AGRN: variants seen among roughly 807,000 people sequenced by gnomAD.
AGRN encodes the protein agrin.
Under a neutral mutation model 211.0 loss-of-function variants are expected in AGRN, and 106 were observed. The ratio of observed to expected loss-of-function variants is 0.50; its 90% CI spans 0.43 to 0.59. The LOEUF (loss-of-function observed/expected upper bound fraction) is 0.59. Among genes scored for constraint, AGRN ranks in the 20% least tolerant of loss-of-function variants. The pLI is 0.00. For missense variants in AGRN, 3,040 were observed against 2,982.6 expected, an observed-to-expected ratio of 1.02 and a Z score of -0.45; for synonymous variants, 1,525 against 1,332.5, an observed-to-expected ratio of 1.14 and a Z score of -3.15.
intron 30 of AGRN, 142 bp downstream of exon 30, chr1:1,050,979 C>CCTCCCTG: frequency 1.5e-5 from 23 of 1,550,908 alleles, no homozygotes; most frequent in Non-Finnish European, 2.0e-5. Context: ...GCCTCCTCTG[C>CCTCCCTG]CTCCCTGCTC....
At position 1,020,347 on chromosome 1, in the gene AGRN, C is replaced by T. The variant is rs919426317; in HGVS notation, c.175C>T (p.Pro59Ser). 3.3e-6 allele frequency: 5 copies of T among 1,495,022 alleles called. No individual in the cohort carries two copies. The African/African-American group carries it at 4.4e-5, about 13-fold the overall frequency. 92.6% of individuals were successfully genotyped at this position (1,495,022 alleles called of 1,614,324 possible). A position where few individuals can be genotyped will look rare whatever the true frequency, so the allele number is the denominator to read the frequency against. ...GTVEEILNVD[P>S]VQHTYSCKVR... The stretch of plus-strand genomic sequence containing the variant: ...GGTGGAGGAGATCCTCAACGTGGAC[C>T]CGGTGCAGCACACGTACTCCTGCAA... The change falls in exon 1 of 36, where the codon CCG becomes TCG. Residue 59 changes from proline (P) to serine (S), a missense_variant. Physicochemically the swap from Pro to Ser is moderately conservative, Grantham distance 74 (BLOSUM62 -1). Around this residue, in one of 3 missense-constraint regions of AGRN, gnomAD observed 1,498 missense variants for 1,457.8 expected, o/e 1.03. Coordinates refer to ENST00000379370, the MANE Select transcript of AGRN (RefSeq NM_198576.4).
At chr1:1,050,655 G>A in intron 29 of AGRN, 64 bp downstream of exon 29, 2 of 1,603,768 alleles carry the variant, frequency 1.2e-6, no homozygotes, top group Non-Finnish European at 1.7e-6. Context: ...GCACCAGCAG[G>A]TCGCTCAGGC....
chr1:1,037,184 C>T (rs1249949521), intron 3 of AGRN, among the ~76,000 whole-genome samples: 1 of 152,180 alleles, frequency 6.6e-6, no homozygotes, highest in Non-Finnish European at 1.5e-5. Context: ...AGGGCAAGAA[C>T]TGCGTTTCCA....
At position 1,041,256 on chromosome 1, in the gene AGRN, C is replaced by A; in HGVS notation, c.811C>A (p.Leu271Met). 6.7e-7 allele frequency: 1 copy of A among 1,501,826 alleles called. No homozygotes were observed. Among genetic ancestry groups the A allele is most frequent in the South Asian group, 1.2e-5 (1 of 81,196 alleles). 93.0% of individuals were successfully genotyped at this position (1,501,826 alleles called of 1,614,324 possible). A position where few individuals can be genotyped will look rare whatever the true frequency, so the allele number is the denominator to read the frequency against. The part of the protein sequence containing the change: ...RSADGLTASC[L>M]CPATCRGAPE... ...GGCCGACGGGCTGACGGCCTCGTGC[C>A]TGTGCCCCGCGACCTGCCGTGGCGC... is the stretch of plus-strand genomic sequence containing the variant. Residue 271 changes from leucine to methionine, a missense_variant, in exon 5 of 36, where the codon CTG (leucine) becomes ATG (methionine). Around this residue, in one of 3 missense-constraint regions of AGRN, gnomAD observed 1,498 missense variants for 1,457.8 expected, o/e 1.03. Transcript: ENST00000379370.
At chr1:1,023,979 G>A (rs1434027169) in intron 2 of AGRN, among the ~76,000 whole-genome samples, 1 of 152,188 alleles carries the variant, frequency 6.6e-6, no homozygotes, top group Non-Finnish European at 1.5e-5. Flanking sequence ...GGGAGGGGCT[G>A]TGGCCACCGG....
chr1:1,050,987 C>T (rs1405636755), intron 30 of AGRN, 150 bp downstream of exon 30: 5 of 1,550,502 alleles, frequency 3.2e-6, no homozygotes, highest in Non-Finnish European at 4.4e-6. Context: ...TGCCTCCCTG[C>T]TCTCTGCTCT....
Position 1,046,177 on chromosome 1 carries a change from A to T in AGRN, c.2823A>T (p.Gly941=). ...TGCCCCAGGTCTGTGGGTCAGATGG[A>T]GTCACATACGGCAACGAGTGTCAGC... ...ANATKVCGSD[G]VTYGNECQLK... Residue 941 remains glycine, a synonymous_variant, in exon 17 of 36, where the codon GGA becomes GGT. Transcript: ENST00000379370. 1 of 1,613,778 alleles carries T rather than the reference A, an allele frequency of 6.2e-7. No individual in the cohort carries two copies. The highest frequency in any genetic ancestry group is 8.5e-7 in the Non-Finnish European group (1 of 1,179,964).
At chr1:1,030,220 AGCGCGTGTGTGTGT>A (rs1644631778) in intron 2 of AGRN, among the ~76,000 whole-genome samples, 3 of 17,086 alleles carry the variant, frequency 1.8e-4, no homozygotes, top group South Asian at 3.3e-3. Flanking sequence ...CTGTGAGATC[AGCGCGTGTGTGTGT>A]GCAGTGCATG....
chr1:1,044,187 T>C lies in AGRN; in HGVS notation c.2078T>C (p.Ile693Thr). ...GAGCTGTGCCGGCAGCGCGGTGGCATCTGGGACGAGGACTCGGAGGACGGG... is the reference window on the plus strand; with the variant it reads ...GAGCTGTGCCGGCAGCGCGGTGGCACCTGGGACGAGGACTCGGAGGACGGG... ...EQELCRQRGG[I>T]WDEDSEDGPC... The change falls in exon 11 of 36, where the codon ATC becomes ACC. Residue 693 changes from isoleucine (I) to threonine (T), a missense_variant. Physicochemically the swap from Ile to Thr is moderately conservative, Grantham distance 89. Around this residue, in one of 3 missense-constraint regions of AGRN, gnomAD observed 1,498 missense variants for 1,457.8 expected, o/e 1.03. Transcript: ENST00000379370. 6.2e-7 allele frequency: 1 copy of C among 1,613,126 alleles called. No individual in the cohort carries two copies. The highest frequency in any genetic ancestry group is 8.5e-7 in the Non-Finnish European group (1 of 1,179,886).
Position 1,045,522 on chromosome 1 carries a change from A to G in AGRN, c.2535A>G (p.Thr845=), listed in dbSNP as rs779678218. The change falls in exon 14 of 36, where the codon ACA becomes ACG. Residue 845 remains threonine (T), a splice_region_variant and synonymous_variant. Transcript: ENST00000379370. ...GIVTDGRSGC[T]PCSCDPQGAV... Reference sequence around the variant, plus strand: ...TCACCGATGGCCGGAGTGGCTGTACACGTGAGTGACAGGGCCCAGGACTGG... The same window carrying G: ...TCACCGATGGCCGGAGTGGCTGTACGCGTGAGTGACAGGGCCCAGGACTGG... 1.2e-5 allele frequency: 19 copies of G among 1,612,646 alleles called. No individual in the cohort carries two copies. Among genetic ancestry groups the G allele is most frequent in the Non-Finnish European group, 1.6e-5 (19 of 1,179,866 alleles).
At chr1:1,054,623 C>G (rs1315371411) in intron 35 of AGRN, 72 bp downstream of exon 35, 13 of 1,524,952 alleles carry the variant, frequency 8.5e-6, no homozygotes, top group Non-Finnish European at 1.2e-5. Context: ...ACTCCACCCC[C>G]CAGCGCCCAC....
In AGRN at chr1:1,043,581, G is replaced by C. The variant is rs1645006623; in HGVS notation, c.1647G>C (p.Glu549Asp). Residue 549 changes from glutamate (E) to aspartate (D), a missense_variant, in exon 9 of 36, where the codon GAG becomes GAC. By Grantham distance (45) the Glu-to-Asp change is conservative (BLOSUM62 2). Coordinates refer to ENST00000379370, the MANE Select transcript of AGRN (RefSeq NM_198576.4). Reference sequence around the variant, plus strand: ...GCTTTGGAGCCCTGTGCGAGGCCGAGACCGGGCGCTGCGTGTGCCCCTCTG... The same window carrying C: ...GCTTTGGAGCCCTGTGCGAGGCCGACACCGGGCGCTGCGTGTGCCCCTCTG... ...QCRFGALCEA[E>D]TGRCVCPSEC... 2 of 1,605,048 alleles carry C rather than the reference G, an allele frequency of 1.2e-6. No individual in the cohort carries two copies. The highest frequency in any genetic ancestry group is 8.5e-7 in the Non-Finnish European group (1 of 1,179,806).
chr1:1,051,453 G>A lies in AGRN; in HGVS notation c.5371G>A (p.Val1791Ile). Residue 1791 changes from valine (V) to isoleucine (I), a missense_variant and splice_region_variant, in exon 32 of 36, where the codon GTC becomes ATC. Val to Ile is a conservative substitution (Grantham distance 29). Around this residue, in one of 3 missense-constraint regions of AGRN, gnomAD observed 1,537 missense variants for 1,505.0 expected, o/e 1.02. Transcript: ENST00000379370. The part of the protein sequence containing the change: ...SSGFDGAIQL[V>I]SLGGRQLLTP... The stretch of plus-strand genomic sequence containing the variant: ...ACAAGGCCCTCACCCTGCCCTGCAG[G>A]TCTCCCTCGGAGGCCGCCAGCTGCT... 1 of 1,554,820 alleles carries A rather than the reference G, an allele frequency of 6.4e-7. No individual in the cohort carries two copies. Among genetic ancestry groups the A allele is most frequent in the Non-Finnish European group, 8.7e-7 (1 of 1,155,000 alleles).
rs769031498 is a variant in AGRN, at chr1:1,053,802, G to A, written c.5701G>A (p.Ala1901Thr). ...CTTTGAACTGAGCCTGCGCACTGAG[G>A]CCACGCAGGGGCTGGTGCTCTGGAG... ...NHFELSLRTE[A>T]TQGLVLWSGK... Residue 1901 changes from alanine to threonine, a missense_variant, in exon 34 of 36, where the codon GCC (alanine) becomes ACC (threonine). Ala to Thr is a moderately conservative substitution (Grantham distance 58, BLOSUM62 0). Transcript: ENST00000379370. 1.9e-6 allele frequency: 3 copies of A among 1,611,104 alleles called. No homozygotes were observed. Among genetic ancestry groups the A allele is most frequent in the Admixed American group, 1.7e-5 (1 of 59,710 alleles).
chr1:1,049,200 C>A, intron 24 of AGRN, 36 bp from the exon 25 acceptor site: 1 of 1,503,134 alleles, frequency 6.7e-7, no homozygotes, highest in Non-Finnish European at 8.8e-7. Flanking sequence ...GGGACGGGGC[C>A]GGGCGATGGT....
In AGRN at chr1:1,022,297, C is replaced by G. The variant is rs773486550; in HGVS notation, c.298C>G (p.Pro100Ala). 1 of 1,613,322 alleles carries G rather than the reference C, an allele frequency of 6.2e-7. No individual in the cohort carries two copies. Among genetic ancestry groups the G allele is most frequent in the Non-Finnish European group, 8.5e-7 (1 of 1,180,016 alleles). The change falls in exon 2 of 36, where the codon CCC becomes GCC. Residue 100 changes from proline to alanine, a missense_variant. By Grantham distance (27) the Pro-to-Ala change is conservative (BLOSUM62 -1). Coordinates refer to ENST00000379370, the MANE Select transcript of AGRN (RefSeq NM_198576.4). Reference sequence around the variant, plus strand: ...GGTGGTGATCAGCGGCTTTGGAGACCCCCTCATCTGTGACAACCAGGTGTC... The same window carrying G: ...GGTGGTGATCAGCGGCTTTGGAGACGCCCTCATCTGTGACAACCAGGTGTC... ...NKVVISGFGD[P>A]LICDNQVSTG...
chr1:1,045,851 C>A lies in AGRN; in HGVS notation c.2655C>A (p.Ala885=). The A allele has an allele frequency of 6.2e-7, 1 of 1,611,602 alleles. No homozygotes were observed. The highest frequency in any genetic ancestry group is 8.5e-7 in the Non-Finnish European group (1 of 1,179,858). Residue 885 remains alanine, a synonymous_variant, in exon 15 of 36, where the codon GCC becomes GCA. Transcript: ENST00000379370. ...GTGGGCAGTGTCCAGACGGCCGTGCCCTGGGCCCCGCGGGCTGTGAAGCTG... is the reference window on the plus strand; with the variant it reads ...GTGGGCAGTGTCCAGACGGCCGTGCACTGGGCCCCGCGGGCTGTGAAGCTG... ...PKCGQCPDGR[A]LGPAGCEADA...
At chr1:1,043,209 G>A (rs1455374673) in intron 7 of AGRN, 30 bp from the exon 8 acceptor site, 2 of 1,546,862 alleles carry the variant, frequency 1.3e-6, no homozygotes, top group South Asian at 1.2e-5. Flanking sequence ...GGGGGCTTGT[G>A]GGACCACTGA....
At position 1,047,465 on chromosome 1, in the gene AGRN, G is replaced by A. The variant is rs770878618; in HGVS notation, c.3516+11G>A. The stretch of plus-strand genomic sequence containing the variant: ...AGCATTGAGAGCACCGTAAGACGGG[G>A]GCGCAGCCCCCACCTACCCACTGGC... On this transcript the variant is annotated intron_variant, in intron 20 of 35. Transcript: ENST00000379370. 1 of 1,612,700 alleles carries A rather than the reference G, an allele frequency of 6.2e-7. No individual in the cohort carries two copies. Among genetic ancestry groups the A allele is most frequent in the Non-Finnish European group, 8.5e-7 (1 of 1,179,934 alleles).
Sources: gnomAD v4.1 joint callset for allele counts (sites outside exome capture counted in the v4.1 genomes callset) on GRCh38, gnomAD v4.1.1 for gene constraint, gnomAD v4.1.1 regional missense constraint, MANE v1.5 for transcripts, NCBI Gene and HGNC (gene_info 2026-07-23, HGNC 2026-07-21) for gene names.